Variants in KCNH5 observed in about 807,000 individuals in gnomAD.
KCNH5 encodes voltage-gated delayed rectifier potassium channel KCNH5.
In KCNH5, 46 loss-of-function variants were observed where a neutral mutation model predicts 96.1. That is an observed-to-expected ratio of 0.48 (90% CI 0.38 to 0.61). KCNH5 has a LOEUF of 0.61. Ranked by LOEUF, KCNH5 falls within the 20% of genes least tolerant of loss-of-function variation. The pLI is 0.00. For missense variants in KCNH5, 907 were observed against 1,225.8 expected (o/e 0.74, Z 3.88); for synonymous variants, 439 against 449.8 (o/e 0.98, Z 0.30).
At chr14:62,921,168 A>G (rs116306791) in intron 7 of KCNH5, among the ~76,000 whole-genome samples, 2,831 of 152,232 alleles carry the variant, frequency 0.019, 84 homozygotes, top group African/African-American at 0.064. Context: ...GAAACAAAAA[A>G]AAAGTCAAAT....
intron 7 of KCNH5, among the ~76,000 whole-genome samples, chr14:62,926,625 T>C (rs572507382): frequency 6.6e-6 from 1 of 152,210 alleles, no homozygotes; most frequent in Admixed American, 6.5e-5. Flanking sequence ...GAGGGCCCTC[T>C]TCCTAGCTTG....
At chr14:62,750,177 G>A (rs1885466634) in intron 10 of KCNH5, among the ~76,000 whole-genome samples, 1 of 152,190 alleles carries the variant, frequency 6.6e-6, no homozygotes, top group African/African-American at 2.4e-5. Flanking sequence ...CTGGTTATTT[G>A]GGTTATTCCA....
chr14:62,959,940 C>T (rs567438305), intron 6 of KCNH5, among the ~76,000 whole-genome samples: 1 of 152,222 alleles, frequency 6.6e-6, no homozygotes, highest in East Asian at 1.9e-4. Flanking sequence ...TAAGAGTTAC[C>T]TCTTCAAAAT....
intron 7 of KCNH5, among the ~76,000 whole-genome samples, chr14:62,901,439 C>T (rs1888924041): frequency 6.6e-6 from 1 of 152,100 alleles, no homozygotes; most frequent in African/African-American, 2.4e-5. Flanking sequence ...CCATGAGTAC[C>T]CAATGTTTAG....
chr14:62,780,529 G>C (rs975060637), intron 9 of KCNH5, among the ~76,000 whole-genome samples: 8 of 151,920 alleles, frequency 5.3e-5, no homozygotes, highest in African/African-American at 1.9e-4. Flanking sequence ...AAGGACCCAG[G>C]TTGAGTAAAA....
chr14:62,817,032 C>T (rs1443943123), intron 8 of KCNH5, among the ~76,000 whole-genome samples: 15 of 142,980 alleles, frequency 1.0e-4, no homozygotes, highest in African/African-American at 3.3e-4. Flanking sequence ...ATTTTGTTCA[C>T]GTATTACTTT....
intron 9 of KCNH5, among the ~76,000 whole-genome samples, chr14:62,789,650 T>TGGG (rs1886391348): frequency 1.3e-5 from 2 of 152,010 alleles, no homozygotes; most frequent in Admixed American, 1.3e-4. Flanking sequence ...TATCTCATAA[T>TGGG]GACTTTAATT....
At chr14:62,988,184 C>T (rs1348819377) in intron 4 of KCNH5, among the ~76,000 whole-genome samples, 1 of 152,034 alleles carries the variant, frequency 6.6e-6, no homozygotes, top group East Asian at 1.9e-4. Flanking sequence ...ACCAGCCATA[C>T]TCTCATCCTG....
intron 6 of KCNH5, among the ~76,000 whole-genome samples, chr14:62,961,119 T>C (rs906489334): frequency 5.9e-5 from 9 of 152,084 alleles, no homozygotes; most frequent in African/African-American, 1.9e-4. Flanking sequence ...CATTATGATA[T>C]GTGTACAAGC....
At chr14:62,750,020 C>G (rs908628773) in intron 10 of KCNH5, among the ~76,000 whole-genome samples, 3 of 152,208 alleles carry the variant, frequency 2.0e-5, no homozygotes, top group African/African-American at 7.2e-5. Context: ...AAGCCTTGAT[C>G]CAACCCCAAC....
chr14:62,844,695 C>A, intron 8 of KCNH5, among the ~76,000 whole-genome samples: 1 of 152,146 alleles, frequency 6.6e-6, no homozygotes, highest in Non-Finnish European at 1.5e-5. Flanking sequence ...AGGCACTGTT[C>A]TATATTAAAA....
chr14:62,770,447 C>T (rs941402663), intron 10 of KCNH5, among the ~76,000 whole-genome samples: 6 of 152,202 alleles, frequency 3.9e-5, no homozygotes, highest in Non-Finnish European at 8.8e-5. Flanking sequence ...CATCAAAATA[C>T]AGGATTGCTA....
intron 9 of KCNH5, among the ~76,000 whole-genome samples, chr14:62,783,598 A>C (rs577109682): frequency 6.6e-6 from 1 of 152,246 alleles, no homozygotes; most frequent in Non-Finnish European, 1.5e-5. Flanking sequence ...CTTAAGAATA[A>C]TCAATGCTTT....
At chr14:62,846,981 TAGTAGAGACAG>T (rs1887710205) in intron 8 of KCNH5, among the ~76,000 whole-genome samples, 1 of 149,048 alleles carries the variant, frequency 6.7e-6, no homozygotes, top group Non-Finnish European at 1.5e-5. Context: ...TTTTTATTTT[TAGTAGAGACAG>T]AGTTTCACAG....
At chr14:62,911,168 A>T (rs1889145214) in intron 7 of KCNH5, among the ~76,000 whole-genome samples, 3 of 152,202 alleles carry the variant, frequency 2.0e-5, no homozygotes, top group African/African-American at 7.2e-5. Context: ...ACAAGAATAT[A>T]TGAATAAATG....
chr14:62,927,870 A>G (rs749864361), intron 7 of KCNH5, among the ~76,000 whole-genome samples: 1 of 152,090 alleles, frequency 6.6e-6, no homozygotes, highest in Non-Finnish European at 1.5e-5. Flanking sequence ...TTGTTAAGAT[A>G]GTAAAATTTA....
chr14:63,000,197 G>A (rs982706724), intron 4 of KCNH5, among the ~76,000 whole-genome samples: 2 of 152,112 alleles, frequency 1.3e-5, no homozygotes, highest in African/African-American at 4.8e-5. Context: ...GATTACAGTT[G>A]GAAAGATTAA....
Position 63,045,230 on chromosome 14 carries a change from G to A in KCNH5, c.-44C>T, listed in dbSNP as rs746372246. On this transcript the variant is annotated 5_prime_UTR_variant, in exon 1 of 11. Coordinates refer to ENST00000322893, the MANE Select transcript of KCNH5 (RefSeq NM_139318.5). ...CGGCCAGGATCCGCGGCGGGGGAGG[G>A]GGGGATGCAGGCAAAGAAGGTGGAG... is the stretch of plus-strand genomic sequence containing the variant. 7.0e-7 allele frequency: 1 copy of A among 1,427,396 alleles called. No homozygotes were observed. The highest frequency in any genetic ancestry group is 9.9e-7 in the Non-Finnish European group (1 of 1,014,552). 88.4% of individuals were successfully genotyped at this position (1,427,396 alleles called of 1,614,324 possible). A position where few individuals can be genotyped will look rare whatever the true frequency, so the allele number is the denominator to read the frequency against.
chr14:62,757,274 C>G (rs1485437808), intron 10 of KCNH5, among the ~76,000 whole-genome samples: 2 of 152,100 alleles, frequency 1.3e-5, no homozygotes, highest in Non-Finnish European at 2.9e-5. Flanking sequence ...TGGCTTTTAT[C>G]CAAAACACAG....
Sources: allele counts gnomAD v4.1 joint callset (sites outside exome capture counted in the v4.1 genomes callset), GRCh38; gene constraint gnomAD v4.1.1; transcripts MANE v1.5; gene names NCBI Gene and HGNC (gene_info 2026-07-23, HGNC 2026-07-21).